Variants in GRK3 observed in about 807,000 individuals in gnomAD.
The protein encoded by GRK3 is adrenergic, beta, receptor kinase 2.
Under a neutral mutation model 95.7 loss-of-function variants are expected in GRK3, and 54 were observed. That is an observed-to-expected ratio of 0.56 (90% CI 0.45 to 0.71). The LOEUF is 0.71. GRK3 is among the 30% of genes least tolerant of loss of function. GRK3 has a pLI of 0.00. For missense variants in GRK3, 649 were observed against 851.2 expected, an observed-to-expected ratio of 0.76 and a Z score of 2.96; for synonymous variants, 281 against 290.8, an observed-to-expected ratio of 0.97 and a Z score of 0.34.
intron 13 of GRK3, among the ~76,000 whole-genome samples, chr22:25,697,842 A>G (rs1467822189): frequency 6.6e-6 from 1 of 152,160 alleles, no homozygotes; most frequent in Admixed American, 6.5e-5. Context: ...TGCTTGATAG[A>G]TAGGATTAGA....
chr22:25,573,864 A>G (rs182014341), intron 1 of GRK3, among the ~76,000 whole-genome samples: 96 of 152,230 alleles, frequency 6.3e-4, no homozygotes, highest in African/African-American at 2.2e-3. Context: ...GTGCTATTGC[A>G]CTCCAGTCCG....
intron 1 of GRK3, among the ~76,000 whole-genome samples, chr22:25,580,088 C>T (rs188085580): frequency 6.6e-6 from 1 of 152,070 alleles, no homozygotes; most frequent in Admixed American, 6.6e-5. Context: ...TATGATCAAG[C>T]CTTTTGAGGT....
chr22:25,628,030 A>C (rs2084639950), intron 2 of GRK3, among the ~76,000 whole-genome samples: 1 of 152,268 alleles, frequency 6.6e-6, no homozygotes. Context: ...AAAACTGGGC[A>C]AAGGTCCTAT....
intron 1 of GRK3, among the ~76,000 whole-genome samples, chr22:25,589,510 T>G (rs1932424226): frequency 6.6e-6 from 1 of 152,176 alleles, no homozygotes; most frequent in Admixed American, 6.5e-5. Context: ...TTAACACAAG[T>G]CATTATGCCT....
chr22:25,661,419 T>C (rs148658602), intron 3 of GRK3, among the ~76,000 whole-genome samples, 157 bp from the exon 4 acceptor site: 1 of 152,374 alleles, frequency 6.6e-6, no homozygotes, highest in Admixed American at 6.5e-5. Flanking sequence ...AACTTCATTA[T>C]TACAACATTA....
intron 6 of GRK3, among the ~76,000 whole-genome samples, chr22:25,670,306 C>T (rs1046335206): frequency 6.6e-6 from 1 of 151,960 alleles, no homozygotes; most frequent in African/African-American, 2.4e-5. Context: ...CCAGCCTGTA[C>T]AACATAGCAA....
chr22:25,629,847 G>A (rs1164080963), intron 2 of GRK3, among the ~76,000 whole-genome samples: 1 of 152,152 alleles, frequency 6.6e-6, no homozygotes, highest in African/African-American at 2.4e-5. Flanking sequence ...TGAGGGTGCT[G>A]TTGCTGTCAT....
At chr22:25,642,395 T>G (rs1569176125) in intron 2 of GRK3, among the ~76,000 whole-genome samples, 2 of 152,130 alleles carry the variant, frequency 1.3e-5, no homozygotes, top group Non-Finnish European at 2.9e-5. Flanking sequence ...ATCGCGCCAT[T>G]GCACTCCAGC....
At chr22:25,676,045 C>T (rs1456919499) in intron 8 of GRK3, among the ~76,000 whole-genome samples, 2 of 152,184 alleles carry the variant, frequency 1.3e-5, no homozygotes, top group African/African-American at 2.4e-5. Context: ...AATAAAAGTG[C>T]CTTGTTATGA....
chr22:25,566,868 CA>C (rs1173899535), intron 1 of GRK3, among the ~76,000 whole-genome samples: 1 of 151,304 alleles, frequency 6.6e-6, no homozygotes, highest in East Asian at 1.9e-4. Flanking sequence ...TTTCTATATA[CA>C]AAATTGATAA....
chr22:25,644,512 C>T, intron 2 of GRK3, 80 bp from the exon 3 acceptor site: 1 of 646,358 alleles, frequency 1.5e-6, no homozygotes, highest in South Asian at 2.1e-5. Context: ...GAGGTATAAA[C>T]ACATTGCTTT....
chr22:25,683,492 C>T (rs2085090404), intron 9 of GRK3, among the ~76,000 whole-genome samples: 1 of 152,226 alleles, frequency 6.6e-6, no homozygotes, highest in African/African-American at 2.4e-5. Context: ...TGTACACTTC[C>T]AGTGGCCATA....
intron 5 of GRK3, among the ~76,000 whole-genome samples, chr22:25,666,077 C>T (rs534954453): frequency 6.6e-6 from 1 of 152,288 alleles, no homozygotes; most frequent in Admixed American, 6.5e-5. Flanking sequence ...AAGTAGTCTG[C>T]TCCTCATCTC....
intron 9 of GRK3, among the ~76,000 whole-genome samples, chr22:25,681,240 A>G (rs1407918079): frequency 6.6e-6 from 1 of 152,180 alleles, no homozygotes; most frequent in Non-Finnish European, 1.5e-5. Flanking sequence ...CCCAGTTCTT[A>G]GTTCTCATAC....
chr22:25,576,714 C>A (rs929781255), intron 1 of GRK3, among the ~76,000 whole-genome samples: 6 of 152,108 alleles, frequency 3.9e-5, no homozygotes. Flanking sequence ...TTCAGAAAAA[C>A]CTTCAGACTG....
At chr22:25,647,745 C>T in intron 3 of GRK3, 2 of 1,146,542 alleles carry the variant, frequency 1.7e-6, no homozygotes, top group South Asian at 1.2e-5. Context: ...GGTATTTTGG[C>T]AAAATGGGGA....
rs1931380838 is a variant in GRK3 at position 25,564,862 on chromosome 22, C to T, written c.-179C>T. 1 of 140,262 alleles carries T rather than the reference C, an allele frequency of 7.1e-6. No individual in the cohort carries two copies. Among genetic ancestry groups the T allele is most frequent in the Non-Finnish European group, 1.6e-5 (1 of 63,816 alleles). The allele number at this position is 140,262 out of a possible 1,614,324, so 8.7% of individuals were successfully genotyped here. A position where few individuals can be genotyped will look rare whatever the true frequency, so the allele number is the denominator to read the frequency against. On this transcript the variant is annotated 5_prime_UTR_variant, in exon 1 of 21. Coordinates refer to ENST00000324198, the MANE Select transcript of GRK3 (RefSeq NM_005160.4). ...TGCTGCGACCCCGGCCGGCTACAGC[C>T]TGCGGCGCGCGCAGAGCGCTAGTGG... is the stretch of plus-strand genomic sequence containing the variant.
chr22:25,720,580 G>A (rs1025142345), intron 19 of GRK3, among the ~76,000 whole-genome samples: 5 of 147,094 alleles, frequency 3.4e-5, no homozygotes, highest in African/African-American at 1.0e-4. Flanking sequence ...GCGTTCAAGC[G>A]ATTCTCCTGC....
chr22:25,720,466 A>ATT (rs2085422170), intron 19 of GRK3, among the ~76,000 whole-genome samples: 2 of 135,956 alleles, frequency 1.5e-5, no homozygotes, highest in African/African-American at 5.6e-5. Flanking sequence ...AATACTATAG[A>ATT]CTTTTTTTTT....
Sources: gnomAD v4.1 joint callset for allele counts (sites outside exome capture counted in the v4.1 genomes callset) on GRCh38, gnomAD v4.1.1 for gene constraint, MANE v1.5 for transcripts, NCBI Gene and HGNC (gene_info 2026-07-23, HGNC 2026-07-21) for gene names.